The following SDK1 variants were observed in gnomAD, a reference collection of about 807,000 sequenced individuals.
The protein encoded by SDK1 is sidekick cell adhesion molecule 1.
SDK1 carries 157 observed loss-of-function variants against 245.5 expected under a neutral mutation model. The observed-to-expected ratio is 0.64, with a 90% CI of 0.56 to 0.73. The LOEUF (loss-of-function observed/expected upper bound fraction) is 0.73. Ranked by LOEUF, SDK1 falls within the 30% of genes least tolerant of loss-of-function variation. The pLI, the probability that SDK1 is intolerant of heterozygous loss-of-function variation, is 0.00. For missense variants in SDK1, 3,583 were observed against 3,002.3 expected, an observed-to-expected ratio of 1.19 and a Z score of -4.52; for synonymous variants, 1,647 against 1,278.5, an observed-to-expected ratio of 1.29 and a Z score of -6.15.
At chr7:3,827,271 A>G (rs561513259) in intron 5 of SDK1, among the ~76,000 whole-genome samples, 3 of 152,236 alleles carry the variant, frequency 2.0e-5, no homozygotes, top group East Asian at 3.9e-4. Flanking sequence ...AGGCATGTAA[A>G]ATTTCCAAAG....
rs77637553 is a variant in SDK1, at chr7:4,065,697, T to G, written c.2912-2141T>G. ...TTCACCCAGATGAGTGGTTGTTGTT[T>G]TTTTTTTTTTTTTTTTTTTTTTTTT... On this transcript the variant is annotated intron_variant, in intron 19 of 44. Transcript: ENST00000404826. Among the ~76,000 whole-genome samples the G allele has an allele frequency of 1.3e-3, 80 of 63,690 alleles. 2 individuals carry two copies. Among genetic ancestry groups the G allele is most frequent in the African/African-American group, 7.8e-3 (30 of 3,856 alleles). The allele number at this position is 63,690 out of a possible 152,430, so 41.8% of individuals were successfully genotyped here.
rs1782050340 is a variant in SDK1, at chr7:4,094,904, ATCT to A, written c.3324+15322_3324+15324del. ...ACACATTGGTTTTACCTAAAAGGAC[ATCT>A]TAAAGCAGGAACCCACAGGTTATAG... is the stretch of plus-strand genomic sequence containing the variant. On this transcript the variant is annotated intron_variant, in intron 22 of 44. Transcript: ENST00000404826. Among the ~76,000 whole-genome samples, 11 of 152,228 alleles carry A rather than the reference ATCT, an allele frequency of 7.2e-5. No homozygotes were observed. The South Asian group carries it at 2.1e-3, about 29-fold the overall frequency.
intron 7 of SDK1, among the ~76,000 whole-genome samples, chr7:3,952,550 C>T (rs984729251): frequency 3.3e-5 from 5 of 151,942 alleles, no homozygotes; most frequent in Admixed American, 2.0e-4. Context: ...ATCATTGCAA[C>T]CCAATCTGGG....
chr7:3,346,827 A>ATATATATTTTTT (rs1228887289), intron 1 of SDK1, among the ~76,000 whole-genome samples: 1 of 16,386 alleles, frequency 6.1e-5, no homozygotes, highest in Non-Finnish European at 1.1e-4. Context: ...ATATATATAT[A>ATATATATTTTTT]TTTTTTTTTT....
intron 1 of SDK1, among the ~76,000 whole-genome samples, chr7:3,566,143 A>C (rs188899763): frequency 2.3e-3 from 354 of 152,182 alleles, no homozygotes; most frequent in Non-Finnish European, 3.6e-3. Flanking sequence ...AGTCGTAAAA[A>C]GGTGTCAGTT....
chr7:3,753,728 A>G (rs908331637), intron 4 of SDK1, among the ~76,000 whole-genome samples: 41 of 152,306 alleles, frequency 2.7e-4, no homozygotes, highest in African/African-American at 9.9e-4. Context: ...GCATGAAGTG[A>G]CAGGCCTTGG....
chr7:3,392,772 T>C (rs1402323147), intron 1 of SDK1, among the ~76,000 whole-genome samples: 1 of 152,136 alleles, frequency 6.6e-6, no homozygotes, highest in African/African-American at 2.4e-5. Flanking sequence ...TTCATTCATA[T>C]TATAGCATGT....
chr7:3,762,468 A>G (rs1780136948), intron 4 of SDK1, among the ~76,000 whole-genome samples: 1 of 152,234 alleles, frequency 6.6e-6, no homozygotes, highest in Non-Finnish European at 1.5e-5. Flanking sequence ...TTTCTTAAAC[A>G]TGCATGGTAT....
At chr7:4,253,962 G>T (rs1224484440) in intron 44 of SDK1, among the ~76,000 whole-genome samples, 1 of 151,560 alleles carries the variant, frequency 6.6e-6, no homozygotes, top group East Asian at 1.9e-4. Flanking sequence ...TGATTTCCTT[G>T]TTTTTGCTTT....
In SDK1 at chr7:3,987,311, T is replaced by G. The variant is rs1161149538; in HGVS notation, c.2120T>G (p.Leu707Arg). 6.2e-7 allele frequency: 1 copy of G among 1,613,930 alleles called. No individual in the cohort carries two copies. Among genetic ancestry groups the G allele is most frequent in the Non-Finnish European group, 8.5e-7 (1 of 1,179,906 alleles). The change falls in exon 14 of 45, where the codon CTC (leucine) becomes CGC (arginine). Residue 707 changes from leucine to arginine, a missense_variant. Coordinates refer to ENST00000404826, the MANE Select transcript of SDK1 (RefSeq NM_152744.4). ...CCTATTCTTTATTACATCGTGGAGCTCTCTGAAAACAGTAAGTAGCAAAAT... is the reference window on the plus strand; with the variant it reads ...CCTATTCTTTATTACATCGTGGAGCGCTCTGAAAACAGTAAGTAGCAAAAT... ...NSPILYYIVE[L>R]SENNSPWKVH...
intron 1 of SDK1, among the ~76,000 whole-genome samples, chr7:3,335,676 A>G (rs185516131): frequency 2.1e-3 from 319 of 152,340 alleles, no homozygotes; most frequent in Non-Finnish European, 3.7e-3. Context: ...TGCCAGGAAG[A>G]GGAAAGTAAG....
intron 14 of SDK1, among the ~76,000 whole-genome samples, chr7:4,008,609 A>G (rs181316229): frequency 1.3e-5 from 2 of 152,354 alleles, no homozygotes; most frequent in African/African-American, 4.8e-5. Flanking sequence ...GTGTTCTGTA[A>G]TGAACTAGAA....
intron 4 of SDK1, among the ~76,000 whole-genome samples, chr7:3,646,474 C>G (rs916231188): frequency 2.0e-5 from 3 of 152,130 alleles, no homozygotes; most frequent in African/African-American, 7.2e-5. Context: ...CCTTCTGAGG[C>G]AGGTATAATT....
intron 38 of SDK1, among the ~76,000 whole-genome samples, chr7:4,213,738 C>A (rs1235361133): frequency 6.6e-6 from 1 of 152,164 alleles, no homozygotes; most frequent in East Asian, 1.9e-4. Context: ...CCAAACCTTC[C>A]CCCTAGCCCA....
chr7:3,589,632 G>A (rs903933976), intron 1 of SDK1, among the ~76,000 whole-genome samples: 2 of 152,178 alleles, frequency 1.3e-5, no homozygotes, highest in African/African-American at 2.4e-5. Flanking sequence ...GTACAGACAC[G>A]TCTTAAATGG....
chr7:3,651,211 A>G (rs10256371), intron 4 of SDK1, among the ~76,000 whole-genome samples: 38,813 of 150,626 alleles, frequency 0.26, 5,385 homozygotes, highest in South Asian at 0.34. Context: ...TGTACGAATG[A>G]TTGCGTTTCC....
intron 32 of SDK1, among the ~76,000 whole-genome samples, chr7:4,172,064 A>G (rs631738): frequency 2.0e-5 from 3 of 152,020 alleles, no homozygotes; most frequent in Non-Finnish European, 2.9e-5. Context: ...CAGGGCCTCT[A>G]AGACACGGAT....
intron 31 of SDK1, among the ~76,000 whole-genome samples, chr7:4,160,568 G>A (rs1562369476): frequency 6.6e-6 from 1 of 152,212 alleles, no homozygotes; most frequent in Non-Finnish European, 1.5e-5. Context: ...ACTCTCTCCA[G>A]GGGTTGGGGA....
intron 4 of SDK1, among the ~76,000 whole-genome samples, chr7:3,672,235 A>C (rs1316111999): frequency 6.6e-6 from 1 of 152,142 alleles, no homozygotes; most frequent in Non-Finnish European, 1.5e-5. Flanking sequence ...AAACATCCTC[A>C]GAGTGGCTTC....
Sources: allele counts gnomAD v4.1 joint callset (sites outside exome capture counted in the v4.1 genomes callset), GRCh38; gene constraint gnomAD v4.1.1; transcripts MANE v1.5; gene names NCBI Gene and HGNC (gene_info 2026-07-23, HGNC 2026-07-21).